Variants in SPSB1 observed in about 807,000 individuals in gnomAD.
The protein encoded by SPSB1 is SPRY domain-containing SOCS box protein 1.
SPSB1 carries 8 observed loss-of-function variants against 21.2 expected under a neutral mutation model. The observed-to-expected ratio is 0.38, with a 90% CI of 0.22 to 0.68. The LOEUF (loss-of-function observed/expected upper bound fraction) is 0.68, where lower values mean the gene tolerates loss of function less well. Among genes scored for constraint, SPSB1 ranks in the 30% least tolerant of loss-of-function variants. SPSB1 has a pLI of 0.53. For synonymous variants in SPSB1, 169 were observed against 161.7 expected (o/e 1.05, Z -0.34); for missense variants, 242 against 377.8 (o/e 0.64, Z 2.98).
Position 9,293,735 on chromosome 1 carries a change from T to C in SPSB1, c.-150+664T>C, listed in dbSNP as rs1268183002. ...CTGGGCCCGCGGGAGGAACCGCGGA[T>C]GGGTCACCGTCCCCGGGCGTGTACT... On this transcript the variant is annotated intron_variant, in intron 1 of 2. Transcript: ENST00000328089. This position sits in a 1 kb window ranked among gnomAD's most constrained non-coding sequence, Gnocchi z 5.1. Among the ~76,000 whole-genome samples the C allele has an allele frequency of 6.6e-6, 1 of 151,810 alleles. No individual in the cohort carries two copies. The highest frequency in any genetic ancestry group is 1.5e-5 in the Non-Finnish European group (1 of 67,938).
Position 9,293,111 on chromosome 1 carries a change from G to T in SPSB1, c.-150+40G>T. 1 of 977,314 alleles carries T rather than the reference G, an allele frequency of 1.0e-6. No homozygotes were observed. Among genetic ancestry groups the T allele is most frequent in the South Asian group, 4.6e-5 (1 of 21,886 alleles). 60.5% of individuals were successfully genotyped at this position (977,314 alleles called of 1,614,324 possible). ...GCACCTGGGACCCCGATGGGTGGGCGACCGGCCCGGGAGGGGGAGGCGCGG... is the reference window on the plus strand; with the variant it reads ...GCACCTGGGACCCCGATGGGTGGGCTACCGGCCCGGGAGGGGGAGGCGCGG... On this transcript the variant is annotated intron_variant, in intron 1 of 2. Coordinates refer to ENST00000328089, the MANE Select transcript of SPSB1 (RefSeq NM_025106.4). This position sits in a 1 kb window ranked among gnomAD's most constrained non-coding sequence, Gnocchi z 5.1.
chr1:9,342,643 G>A (rs1450076610), intron 1 of SPSB1, among the ~76,000 whole-genome samples: 1 of 152,192 alleles, frequency 6.6e-6, no homozygotes, highest in Non-Finnish European at 1.5e-5. Flanking sequence ...TCCCCCGCCA[G>A]CCCGCGGGGT....
chr1:9,312,381 A>G (rs1639534661), intron 1 of SPSB1, among the ~76,000 whole-genome samples: 1 of 152,108 alleles, frequency 6.6e-6, no homozygotes, highest in African/African-American at 2.4e-5. Flanking sequence ...TGAATATTGT[A>G]GGCAGTGAGC....
rs1000538084 is a variant in SPSB1, at chr1:9,317,279, A to G, written c.-150+24208A>G. ...GCACTGGAGAGGGAGGAGGAAGGGA[A>G]GAAGGGAATAAATGTCACTGGCGGA... On this transcript the variant is annotated intron_variant, in intron 1 of 2. Transcript: ENST00000328089. This position sits in a 1 kb window ranked among gnomAD's most constrained non-coding sequence, Gnocchi z 4.3. 1.1e-4 allele frequency among the ~76,000 whole-genome samples: 16 copies of G among 152,216 alleles called. No homozygotes were observed. Among genetic ancestry groups the G allele is most frequent in the Admixed American group, 4.6e-4 (7 of 15,290 alleles).
chr1:9,359,190 G>C (rs908864292), intron 2 of SPSB1, among the ~76,000 whole-genome samples: 1 of 152,148 alleles, frequency 6.6e-6, no homozygotes. Context: ...GACATGAATG[G>C]GCCCTGGGCC....
intron 1 of SPSB1, among the ~76,000 whole-genome samples, chr1:9,295,936 G>A (rs1422551665): frequency 6.6e-6 from 1 of 152,112 alleles, no homozygotes; most frequent in Non-Finnish European, 1.5e-5. Context: ...GCCTCAGTCT[G>A]CCCAGGGGTG....
intron 1 of SPSB1, among the ~76,000 whole-genome samples, chr1:9,315,950 C>T (rs182435322): frequency 3.3e-5 from 5 of 152,320 alleles, no homozygotes; most frequent in Non-Finnish European, 7.3e-5. Context: ...GCGTGCGGCT[C>T]CGGGCATCCT....
chr1:9,304,912 A>G lies in SPSB1; in HGVS notation c.-150+11841A>G, dbSNP rs887007289. Among the ~76,000 whole-genome samples, 9 of 152,046 alleles carry G rather than the reference A, an allele frequency of 5.9e-5. No individual in the cohort carries two copies. In the South Asian group the frequency reaches 6.2e-4, roughly 11 times the overall value. ...GGTCTCGAACTCCTGGGTTCAAGCA[A>G]TCCTCCCAAAGTGCTAGGATTATGG... On this transcript the variant is annotated intron_variant, in intron 1 of 2. Coordinates refer to ENST00000328089, the MANE Select transcript of SPSB1 (RefSeq NM_025106.4).
intron 1 of SPSB1, among the ~76,000 whole-genome samples, chr1:9,306,275 C>T (rs772909029): frequency 6.6e-6 from 1 of 152,232 alleles, no homozygotes; most frequent in Non-Finnish European, 1.5e-5. Flanking sequence ...CTGCAGCAGT[C>T]GGCTTTTCTG....
chr1:9,300,270 G>A (rs907852386), intron 1 of SPSB1, among the ~76,000 whole-genome samples: 4 of 152,158 alleles, frequency 2.6e-5, no homozygotes, highest in Non-Finnish European at 5.9e-5. Flanking sequence ...GACTTTGGAG[G>A]CAACACATTC....
chr1:9,348,315 A>G lies in SPSB1; in HGVS notation c.-149-7428A>G, dbSNP rs986502372. Among the ~76,000 whole-genome samples, 5 of 151,746 alleles carry G rather than the reference A, an allele frequency of 3.3e-5. No individual in the cohort carries two copies. The highest frequency in any genetic ancestry group is 1.2e-4 in the African/African-American group (5 of 41,262). Reference sequence around the variant, plus strand: ...GCGGTAGTGCTGTGTCTAGCATCACATTCCTCTGTGCCTTGCATAATGAAA... The same window carrying G: ...GCGGTAGTGCTGTGTCTAGCATCACGTTCCTCTGTGCCTTGCATAATGAAA... On this transcript the variant is annotated intron_variant, in intron 1 of 2. Coordinates refer to ENST00000328089, the MANE Select transcript of SPSB1 (RefSeq NM_025106.4). This position sits in a 1 kb window ranked among gnomAD's most constrained non-coding sequence, Gnocchi z 4.8.
Position 9,368,393 on chromosome 1 carries a change from G to A in SPSB1, c.*818G>A, listed in dbSNP as rs1339699960. 3 of 152,162 alleles carry A rather than the reference G, an allele frequency of 2.0e-5. No individual in the cohort carries two copies. The highest frequency in any genetic ancestry group is 7.2e-5 in the African/African-American group (3 of 41,434). The allele number at this position is 152,162 out of a possible 1,614,324, so 9.4% of individuals were successfully genotyped here. On this transcript the variant is annotated 3_prime_UTR_variant, in exon 3 of 3. Transcript: ENST00000328089. ...TCCCTTGCCCTGCAGTTTCCAGGGG[G>A]CTCTGCTCCAAGTTCCCTAGCGGGC...
intron 1 of SPSB1, among the ~76,000 whole-genome samples, chr1:9,311,345 G>A (rs182925622): frequency 3.6e-4 from 55 of 152,088 alleles, no homozygotes; most frequent in South Asian, 2.1e-4. Flanking sequence ...GATGGGTCTC[G>A]GCGTGGCTGA....
chr1:9,328,363 A>G (rs1437032618), intron 1 of SPSB1, among the ~76,000 whole-genome samples: 1 of 152,242 alleles, frequency 6.6e-6, no homozygotes, highest in Non-Finnish European at 1.5e-5. Context: ...AGTTCAGCAG[A>G]ACCTTGCGTT....
At chr1:9,347,263 C>G (rs1640179351) in intron 1 of SPSB1, among the ~76,000 whole-genome samples, 5 of 152,234 alleles carry the variant, frequency 3.3e-5, no homozygotes, top group Admixed American at 2.6e-4. Context: ...TTACGCTGTG[C>G]TTGCTTTATA....
chr1:9,329,704 CAAAAAAAAA>C (rs370850231), intron 1 of SPSB1, among the ~76,000 whole-genome samples: 1 of 87,056 alleles, frequency 1.1e-5, no homozygotes, highest in Non-Finnish European at 2.8e-5. Flanking sequence ...AAAACAACAA[CAAAAAAAAA>C]AAAAAAAAAG....
At chr1:9,329,874 T>G (rs1190755034) in intron 1 of SPSB1, among the ~76,000 whole-genome samples, 1 of 152,146 alleles carries the variant, frequency 6.6e-6, no homozygotes, top group Non-Finnish European at 1.5e-5. Flanking sequence ...CAGACATTTC[T>G]TCTCAAAACT....
chr1:9,354,800 C>CAA (rs5772367), intron 1 of SPSB1, among the ~76,000 whole-genome samples: 1 of 146,412 alleles, frequency 6.8e-6, no homozygotes, highest in African/African-American at 2.5e-5. Context: ...GACTGCGTCT[C>CAA]AAAAAAAAAA....
At chr1:9,350,129 G>A (rs771680830) in intron 1 of SPSB1, among the ~76,000 whole-genome samples, 7 of 151,712 alleles carry the variant, frequency 4.6e-5, no homozygotes, top group African/African-American at 1.5e-4. Flanking sequence ...CCTACCACCC[G>A]CACAGGTACA....
Sources: gnomAD v4.1 joint callset for allele counts (sites outside exome capture counted in the v4.1 genomes callset) on GRCh38, gnomAD v4.1.1 for gene constraint, Gnocchi (gnomAD v3.1) non-coding constraint, MANE v1.5 for transcripts, NCBI Gene and HGNC (gene_info 2026-07-23, HGNC 2026-07-21) for gene names.